The following NUP50 variants were observed in gnomAD, a reference collection of about 807,000 sequenced individuals.
NUP50 encodes nucleoporin 50, also known as nuclear pore complex protein Nup50.
Under a neutral mutation model 36.8 loss-of-function variants are expected in NUP50, and 14 were observed. The ratio of observed to expected loss-of-function variants is 0.38; its 90% CI spans 0.25 to 0.59. The LOEUF (loss-of-function observed/expected upper bound fraction) is 0.59. Among genes scored for constraint, NUP50 ranks in the 20% least tolerant of loss-of-function variants. NUP50 has a pLI of 0.63. For missense variants in NUP50, 455 were observed against 564.6 expected, an observed-to-expected ratio of 0.81 and a Z score of 1.97; for synonymous variants, 195 against 210.8, an observed-to-expected ratio of 0.93 and a Z score of 0.65.
chr22:45,179,554 G>A (rs1328792353), intron 5 of NUP50, among the ~76,000 whole-genome samples: 3 of 152,122 alleles, frequency 2.0e-5, no homozygotes, highest in African/African-American at 7.2e-5. Flanking sequence ...TGGTGGTTGT[G>A]AACAGGTGAT....
At chr22:45,171,079 C>T (rs910649651) in intron 2 of NUP50, 2 of 1,299,990 alleles carry the variant, frequency 1.5e-6, no homozygotes, top group Non-Finnish European at 1.0e-6. Context: ...GCTTTGAGCG[C>T]ACTGTGGAAG....
chr22:45,183,378 G>A lies in NUP50; in HGVS notation c.1086-24G>A, dbSNP rs547367260. 74 of 1,331,728 alleles carry A rather than the reference G, an allele frequency of 5.6e-5. No individual in the cohort carries two copies. The East Asian group carries it at 1.6e-3, about 28-fold the overall frequency. 82.5% of individuals were successfully genotyped at this position (1,331,728 alleles called of 1,614,324 possible). On this transcript the variant is annotated intron_variant, in intron 6 of 7. Coordinates refer to ENST00000347635, the MANE Select transcript of NUP50 (RefSeq NM_007172.4). ...CTTGATTCGTCCTTGAATGCTTGATGGTCCCTATTATTTTTCTCCATAGGT... is the reference window on the plus strand; with the variant it reads ...CTTGATTCGTCCTTGAATGCTTGATAGTCCCTATTATTTTTCTCCATAGGT...
At chr22:45,183,726 TTTTTCA>T in intron 7 of NUP50, 1 of 494,056 alleles carries the variant, frequency 2.0e-6, no homozygotes, top group South Asian at 2.9e-5. Flanking sequence ...AACAAAATGA[TTTTTCA>T]TTTTCCTTTG....
chr22:45,167,201 A>C (rs183350074), intron 1 of NUP50, among the ~76,000 whole-genome samples: 1 of 152,326 alleles, frequency 6.6e-6, no homozygotes, highest in Non-Finnish European at 1.5e-5. Context: ...CAGGTTTAAC[A>C]AGACCTGGCA....
Position 45,186,682 on chromosome 22 carries a change from TC to T in NUP50, c.*2029del, listed in dbSNP as rs2083450961. The T allele has an allele frequency of 6.5e-6, 1 of 152,696 alleles. No individual in the cohort carries two copies. Among genetic ancestry groups the T allele is most frequent in the Admixed American group, 6.5e-5 (1 of 15,284 alleles). The allele number at this position is 152,696 out of a possible 1,614,324, so 9.5% of individuals were successfully genotyped here. A position where few individuals can be genotyped will look rare whatever the true frequency, so the allele number is the denominator to read the frequency against. Reference sequence around the variant, plus strand: ...TTTAAATTAGTAGGTATGTGTGGCTTCCTTTTTTCCTAACATTCCCAGCAAA... The same window carrying T: ...TTTAAATTAGTAGGTATGTGTGGCTTCTTTTTTCCTAACATTCCCAGCAAA... On this transcript the variant is annotated 3_prime_UTR_variant, in exon 8 of 8. Transcript: ENST00000347635.
intron 2 of NUP50, among the ~76,000 whole-genome samples, chr22:45,169,534 T>C (rs553935550): frequency 6.6e-6 from 1 of 152,226 alleles, no homozygotes; most frequent in Admixed American, 6.5e-5. Context: ...ATCACGGGCA[T>C]TATCAATCAT....
In NUP50 at chr22:45,186,081, C is replaced by G. The variant is rs1186043096; in HGVS notation, c.*1426C>G. On this transcript the variant is annotated 3_prime_UTR_variant, in exon 8 of 8. Coordinates refer to ENST00000347635, the MANE Select transcript of NUP50 (RefSeq NM_007172.4). ...TTGGCGCCGGGAGCAATTTTATGAT[C>G]AAATATGATGAACTCCTAAGTCACT... 1 of 152,214 alleles carries G rather than the reference C, an allele frequency of 6.6e-6. No individual in the cohort carries two copies. The highest frequency in any genetic ancestry group is 1.5e-5 in the Non-Finnish European group (1 of 68,040). 9.4% of individuals were successfully genotyped at this position (152,214 alleles called of 1,614,324 possible). A position where few individuals can be genotyped will look rare whatever the true frequency, so the allele number is the denominator to read the frequency against.
intron 1 of NUP50, among the ~76,000 whole-genome samples, chr22:45,166,824 A>G (rs2074102455): frequency 6.6e-6 from 1 of 152,186 alleles, no homozygotes; most frequent in Non-Finnish European, 1.5e-5. Context: ...GAGGGTTCCC[A>G]GCGAATGGAA....
At chr22:45,183,335 T>G (rs2074412123) in intron 6 of NUP50, 67 bp from the exon 7 acceptor site, 1 of 893,412 alleles carries the variant, frequency 1.1e-6, no homozygotes, top group Non-Finnish European at 1.9e-6. Flanking sequence ...GAAGAGTGGT[T>G]GTTAGAAAAC....
intron 2 of NUP50, among the ~76,000 whole-genome samples, chr22:45,170,431 C>G (rs2074171956): frequency 6.6e-6 from 1 of 152,174 alleles, no homozygotes. Flanking sequence ...AATCTGTAAC[C>G]ACGACTTTCA....
intron 5 of NUP50, 185 bp downstream of exon 5, chr22:45,179,085 G>T: frequency 1.8e-6 from 1 of 541,588 alleles, no homozygotes. Flanking sequence ...AAAAGAGTAA[G>T]ACTTTTGTAG....
chr22:45,178,969 T>A (rs1013341249), intron 5 of NUP50, 69 bp downstream of exon 5: 1 of 1,446,470 alleles, frequency 6.9e-7, no homozygotes. Context: ...ACCCAGAGAC[T>A]TTGATTCCAA....
At chr22:45,169,921 C>G (rs968659878) in intron 2 of NUP50, among the ~76,000 whole-genome samples, 1 of 152,226 alleles carries the variant, frequency 6.6e-6, no homozygotes, top group African/African-American at 2.4e-5. Flanking sequence ...CTTCAGTGGT[C>G]ACACTCCTTG....
intron 2 of NUP50, among the ~76,000 whole-genome samples, chr22:45,170,159 ATCC>A (rs1219968806): frequency 2.6e-5 from 4 of 151,684 alleles, no homozygotes; most frequent in Admixed American, 6.6e-5. Context: ...TGGACGACTC[ATCC>A]TCCTCACCCT....
chr22:45,167,154 A>G (rs983924022), intron 1 of NUP50, among the ~76,000 whole-genome samples: 1 of 152,184 alleles, frequency 6.6e-6, no homozygotes, highest in African/African-American at 2.4e-5. Context: ...TGTTGAGAGC[A>G]AACAAGAGTG....
chr22:45,183,631 C>G, intron 7 of NUP50, 111 bp downstream of exon 7: 3 of 729,252 alleles, frequency 4.1e-6, no homozygotes, highest in Non-Finnish European at 7.5e-6. Context: ...GCATTCAGGC[C>G]AAATTCATCC....
At chr22:45,179,074 T>TA in intron 5 of NUP50, 174 bp downstream of exon 5, 2 of 579,080 alleles carry the variant, frequency 3.5e-6, no homozygotes, top group Non-Finnish European at 5.8e-6. Flanking sequence ...TCCTGCTTTA[T>TA]AAAAGAGTAA....
At chr22:45,170,533 G>A (rs951760942) in intron 2 of NUP50, among the ~76,000 whole-genome samples, 9 of 152,082 alleles carry the variant, frequency 5.9e-5, no homozygotes, top group African/African-American at 2.2e-4. Flanking sequence ...TCCTTCTTTT[G>A]GAATCTTTCT....
chr22:45,168,077 T>TA (rs1399550810), intron 1 of NUP50, 91 bp from the exon 2 acceptor site: 1 of 935,754 alleles, frequency 1.1e-6, no homozygotes, highest in East Asian at 2.7e-5. Context: ...GAGATGTTTT[T>TA]ATCTCACTTC....
Sources: gnomAD v4.1 joint callset for allele counts (sites outside exome capture counted in the v4.1 genomes callset) on GRCh38, gnomAD v4.1.1 for gene constraint, MANE v1.5 for transcripts, NCBI Gene and HGNC (gene_info 2026-07-23, HGNC 2026-07-21) for gene names.